Variants in CDA observed in about 807,000 individuals in gnomAD.
CDA encodes cytidine deaminase.
CDA carries 7 observed loss-of-function variants against 15.0 expected under a neutral mutation model. The ratio of observed to expected loss-of-function variants is 0.47; its 90% CI spans 0.26 to 0.87. The LOEUF is 0.87. Among genes scored for constraint, CDA ranks in the 40% least tolerant of loss-of-function variants. The pLI, the probability that CDA is intolerant of heterozygous loss-of-function variation, is 0.15. For synonymous variants in CDA, 58 were observed against 73.0 expected, an observed-to-expected ratio of 0.79 and a Z score of 1.05; for missense variants, 159 against 182.7, an observed-to-expected ratio of 0.87 and a Z score of 0.75.
chr1:20,610,498 A>G (rs866228853), intron 2 of CDA, among the ~76,000 whole-genome samples: 20 of 151,890 alleles, frequency 1.3e-4, no homozygotes, highest in African/African-American at 4.8e-4. Context: ...ACAGGGTTTC[A>G]CCATGTTGGC....
intron 3 of CDA, among the ~76,000 whole-genome samples, chr1:20,614,904 C>G (rs2052787608): frequency 6.6e-6 from 1 of 152,114 alleles, no homozygotes. Flanking sequence ...CTCTGTCACC[C>G]AGGCTGGAGT....
intron 2 of CDA, among the ~76,000 whole-genome samples, chr1:20,611,917 C>T (rs748652242): frequency 4.6e-5 from 7 of 152,134 alleles, no homozygotes; most frequent in South Asian, 4.1e-4. Flanking sequence ...GGCTGGAGTG[C>T]GGTGGCACAA....
intron 3 of CDA, among the ~76,000 whole-genome samples, chr1:20,617,692 ATTTTATT>A (rs1481024680): frequency 8.1e-6 from 1 of 123,046 alleles, no homozygotes; most frequent in Non-Finnish European, 1.8e-5. Flanking sequence ...TTTTTATTTT[ATTTTATT>A]TTTTTTTTTT....
intron 1 of CDA, among the ~76,000 whole-genome samples, chr1:20,600,526 TG>T (rs1392075727): frequency 6.6e-6 from 1 of 152,052 alleles, no homozygotes; most frequent in African/African-American, 2.4e-5. Context: ...GAGGCCGAGC[TG>T]GGCGGATCAC....
chr1:20,612,826 C>G lies in CDA; in HGVS notation c.267-1016C>G, dbSNP rs548909890. Among the ~76,000 whole-genome samples, 13 of 151,638 alleles carry G rather than the reference C, an allele frequency of 8.6e-5. 1 individual carries two copies. The South Asian group carries it at 2.7e-3, about 32-fold the overall frequency. On this transcript the variant is annotated intron_variant, in intron 2 of 3. Coordinates refer to ENST00000375071, the MANE Select transcript of CDA (RefSeq NM_001785.3). ...GGCGTGGTGGTGCATGCCTGTAATC[C>G]CAGCTACTCGGGAGGTTGAGGCAGG...
intron 1 of CDA, among the ~76,000 whole-genome samples, chr1:20,601,152 C>A (rs1327815537): frequency 6.6e-6 from 1 of 152,242 alleles, no homozygotes; most frequent in Non-Finnish European, 1.5e-5. Context: ...AGACTCCTTT[C>A]TTTCCATCTC....
chr1:20,599,667 T>C (rs1393657985), intron 1 of CDA, among the ~76,000 whole-genome samples: 1 of 120,752 alleles, frequency 8.3e-6, no homozygotes, highest in South Asian at 2.5e-4. Flanking sequence ...TAAAATAAAA[T>C]AAAAATAAAG....
intron 1 of CDA, among the ~76,000 whole-genome samples, chr1:20,597,292 C>CA (rs980548516): frequency 6.6e-6 from 1 of 151,844 alleles, no homozygotes; most frequent in Non-Finnish European, 1.5e-5. Context: ...AATAAAAATA[C>CA]AAAAAAAATT....
chr1:20,591,582 T>G (rs2052548815), intron 1 of CDA, among the ~76,000 whole-genome samples: 1 of 151,988 alleles, frequency 6.6e-6, no homozygotes, highest in South Asian at 2.1e-4. Context: ...ATTGCATAGG[T>G]GATGACTGAA....
At chr1:20,599,798 G>A (rs1194841193) in intron 1 of CDA, among the ~76,000 whole-genome samples, 1 of 152,136 alleles carries the variant, frequency 6.6e-6, no homozygotes, top group Admixed American at 6.5e-5. Context: ...GATAACAGCA[G>A]CAGCTAACAG....
intron 1 of CDA, among the ~76,000 whole-genome samples, chr1:20,603,687 CT>C (rs2052667575): frequency 1.3e-5 from 2 of 152,292 alleles, no homozygotes; most frequent in South Asian, 2.1e-4. Flanking sequence ...GAAATGAATA[CT>C]GGGGAACAAC....
intron 2 of CDA, among the ~76,000 whole-genome samples, chr1:20,610,964 G>A (rs1027309425): frequency 6.6e-6 from 1 of 152,238 alleles, no homozygotes; most frequent in African/African-American, 2.4e-5. Context: ...GTTCTGCCAG[G>A]CATGGTGGCT....
intron 2 of CDA, among the ~76,000 whole-genome samples, chr1:20,606,575 C>A (rs546967454): frequency 6.6e-6 from 1 of 152,164 alleles, no homozygotes; most frequent in South Asian, 2.1e-4. Flanking sequence ...ATGCTAGGAT[C>A]CTGAATGAGC....
chr1:20,597,372 C>T (rs752858499), intron 1 of CDA, among the ~76,000 whole-genome samples: 1 of 152,168 alleles, frequency 6.6e-6, no homozygotes, highest in Non-Finnish European at 1.5e-5. Context: ...ACCTGGGAGG[C>T]GGAGCTTGCA....
Position 20,618,882 on chromosome 1 carries a change from A to C in CDA, c.*314A>C. On this transcript the variant is annotated 3_prime_UTR_variant, in exon 4 of 4. Transcript: ENST00000375071. ...TGTTCCGAGCAACTTTTCTAATTATAAACATCACAGAACATCCTGGATCAA... is the reference window on the plus strand; with the variant it reads ...TGTTCCGAGCAACTTTTCTAATTATCAACATCACAGAACATCCTGGATCAA... 2.7e-6 allele frequency: 1 copy of C among 374,378 alleles called. No individual in the cohort carries two copies. The highest frequency in any genetic ancestry group is 5.2e-6 in the Non-Finnish European group (1 of 193,296). The allele number at this position is 374,378 out of a possible 1,614,324, so 23.2% of individuals were successfully genotyped here.
intron 1 of CDA, among the ~76,000 whole-genome samples, chr1:20,591,597 C>A (rs945693903): frequency 6.6e-6 from 1 of 152,122 alleles, no homozygotes; most frequent in African/African-American, 2.4e-5. Flanking sequence ...ACTGAAGGCT[C>A]GAGCCTCATC....
chr1:20,616,797 C>G (rs865924042), intron 3 of CDA, among the ~76,000 whole-genome samples: 1 of 152,072 alleles, frequency 6.6e-6, no homozygotes, highest in Non-Finnish European at 1.5e-5. Flanking sequence ...CTGTACCTAC[C>G]CTTAGGCACA....
chr1:20,612,842 T>C (rs543090029), intron 2 of CDA, among the ~76,000 whole-genome samples: 36 of 145,150 alleles, frequency 2.5e-4, no homozygotes, highest in African/African-American at 7.2e-4. Context: ...ACTCGGGAGG[T>C]TGAGGCAGGA....
chr1:20,591,265 T>C (rs1285629852), intron 1 of CDA, among the ~76,000 whole-genome samples: 1 of 151,818 alleles, frequency 6.6e-6, no homozygotes, highest in Non-Finnish European at 1.5e-5. Flanking sequence ...GGTGTGAACC[T>C]GGGAGGCGGA....
Sources: allele counts gnomAD v4.1 joint callset (sites outside exome capture counted in the v4.1 genomes callset), GRCh38; gene constraint gnomAD v4.1.1; transcripts MANE v1.5; gene names NCBI Gene and HGNC (gene_info 2026-07-23, HGNC 2026-07-21).